EMSY: variants seen among roughly 807,000 people sequenced by gnomAD.
EMSY encodes the protein BRCA2-interacting transcriptional repressor EMSY.
EMSY carries 26 observed loss-of-function variants against 134.6 expected under a neutral mutation model. That is an observed-to-expected ratio of 0.19 (90% CI 0.14 to 0.27). EMSY has a LOEUF of 0.27. Ranked by LOEUF, EMSY falls within the 10% of genes least tolerant of loss-of-function variation. EMSY has a pLI of 1.00. For synonymous variants in EMSY, 579 were observed against 577.8 expected (o/e 1.00, Z -0.03); for missense variants, 1,305 against 1,611.4 (o/e 0.81, Z 3.26).
At position 76,464,097 on chromosome 11, in the gene EMSY, G is replaced by A. The variant is rs1356148730; in HGVS notation, c.831+17G>A. The A allele has an allele frequency of 3.7e-6, 6 of 1,613,350 alleles. No homozygotes were observed. The Admixed American group carries it at 1.0e-4, about 27-fold the overall frequency. ...ACACAGAAGGTATGTGGTGGAGGGAGTCTCTGCCTGCCAATTGTTTCTTTC... is the reference window on the plus strand; with the variant it reads ...ACACAGAAGGTATGTGGTGGAGGGAATCTCTGCCTGCCAATTGTTTCTTTC... On this transcript the variant is annotated intron_variant, in intron 7 of 20. Coordinates refer to ENST00000334736, the Ensembl canonical transcript of EMSY.
intron 10 of EMSY, among the ~76,000 whole-genome samples, chr11:76,514,719 A>C (rs1288964731): frequency 6.6e-6 from 1 of 152,172 alleles, no homozygotes; most frequent in East Asian, 1.9e-4. Flanking sequence ...CCGAAACTGA[A>C]ACTCTGTGTT....
chr11:76,548,531 C>T (rs532546898), intron 20 of EMSY, among the ~76,000 whole-genome samples: 11 of 152,114 alleles, frequency 7.2e-5, no homozygotes, highest in African/African-American at 1.7e-4. Context: ...AGAACTGCAA[C>T]GATCTTCACA....
chr11:76,475,291 T>A (rs1388026493), intron 8 of EMSY, among the ~76,000 whole-genome samples: 5 of 152,206 alleles, frequency 3.3e-5, no homozygotes, highest in African/African-American at 1.2e-4. Flanking sequence ...ATTAGAAAGA[T>A]TACTGTTTTT....
intron 7 of EMSY, among the ~76,000 whole-genome samples, chr11:76,470,285 G>A (rs1003596061): frequency 6.6e-6 from 1 of 152,090 alleles, no homozygotes; most frequent in Admixed American, 6.6e-5. Flanking sequence ...CATTTAAAGA[G>A]GAAGGAGATA....
Position 76,510,977 on chromosome 11 carries a change from AT to A in EMSY, c.1364-2406del, listed in dbSNP as rs1162731584. ...TTGAGTAGATGTTTTTTCATTTATT[AT>A]TTGCCCTTGGCACGATTTCTGGACC... On this transcript the variant is annotated intron_variant, in intron 9 of 20. Transcript: ENST00000334736. 2.0e-5 allele frequency among the ~76,000 whole-genome samples: 3 copies of A among 151,972 alleles called. No individual in the cohort carries two copies. The East Asian group carries it at 5.8e-4, about 29-fold the overall frequency.
rs557140463 is a variant in EMSY at position 76,502,453 on chromosome 11, T to TA, written c.1363+5996dup. Among the ~76,000 whole-genome samples, 134 of 126,328 alleles carry TA rather than the reference T, an allele frequency of 1.1e-3. 1 individual carries two copies. In the South Asian group the frequency reaches 0.011, roughly 10 times the overall value. The allele number at this position is 126,328 out of a possible 152,430, so 82.9% of individuals were successfully genotyped here. A position where few individuals can be genotyped will look rare whatever the true frequency, so the allele number is the denominator to read the frequency against. On this transcript the variant is annotated intron_variant, in intron 9 of 20. Coordinates refer to ENST00000334736, the Ensembl canonical transcript of EMSY. ...CAGATGACATGATCCTTTATATTAT[T>TA]AAAAAAAAAAAAGCATCCAGATTGA... is the stretch of plus-strand genomic sequence containing the variant.
intron 8 of EMSY, among the ~76,000 whole-genome samples, chr11:76,487,881 C>A (rs1181864640): frequency 6.6e-6 from 1 of 152,206 alleles, no homozygotes; most frequent in Non-Finnish European, 1.5e-5. Context: ...GATACTCAAA[C>A]TTTATATCAT....
intron 12 of EMSY, among the ~76,000 whole-genome samples, 188 bp from the exon 14 acceptor site, chr11:76,526,274 G>A (rs1335870089): frequency 6.6e-6 from 1 of 152,060 alleles, no homozygotes; most frequent in Admixed American, 6.6e-5. Flanking sequence ...TAGAAAGTTG[G>A]TCAGATGACT....
Position 76,528,744 on chromosome 11 carries a change from A to G in EMSY, c.2194+278A>G, listed in dbSNP as rs76964732. Among the ~76,000 whole-genome samples the G allele has an allele frequency of 5.2e-4, 79 of 152,278 alleles. No homozygotes were observed. In the East Asian group the frequency reaches 0.012, roughly 24 times the overall value. On this transcript the variant is annotated intron_variant, in intron 14 of 20. Transcript: ENST00000334736. The stretch of plus-strand genomic sequence containing the variant: ...AGGTAATATTAAACTGGATAGAGTT[A>G]TGATTCCCAGATGGTAATTTTCATA...
intron 18 of EMSY, among the ~76,000 whole-genome samples, chr11:76,543,935 A>G (rs1216675999): frequency 6.6e-6 from 1 of 152,120 alleles, no homozygotes; most frequent in African/African-American, 2.4e-5. Flanking sequence ...AATAGGCCAG[A>G]CGGCTGTTTC....
At chr11:76,552,694 C>T (rs989785239), downstream of EMSY, 3 of 152,130 alleles carry the variant, frequency 2.0e-5, no homozygotes, top group Admixed American at 6.6e-5. Context: ...TTAAAGTATA[C>T]CGTTTAATGG....
intron 8 of EMSY, among the ~76,000 whole-genome samples, chr11:76,483,010 G>A (rs1471076660): frequency 6.6e-6 from 1 of 152,100 alleles, no homozygotes; most frequent in African/African-American, 2.4e-5. Context: ...GAGAAAGGTA[G>A]GGTTACCCAC....
chr11:76,514,599 A>G (rs1029228677), intron 10 of EMSY, among the ~76,000 whole-genome samples: 1 of 152,210 alleles, frequency 6.6e-6, no homozygotes, highest in Non-Finnish European at 1.5e-5. Context: ...GCAGTAAAAT[A>G]TATATAACAT....
At chr11:76,541,906 A>G in intron 17 of EMSY, 3 of 571,658 alleles carry the variant, frequency 5.2e-6, no homozygotes, top group South Asian at 2.3e-5. Flanking sequence ...GGAGGATGCA[A>G]CTTTAAGGGG....
intron 4 of EMSY, among the ~76,000 whole-genome samples, chr11:76,457,625 C>T (rs957208228): frequency 2.6e-5 from 4 of 152,110 alleles, no homozygotes; most frequent in African/African-American, 9.7e-5. Context: ...GTGACACATA[C>T]GGTTATATAT....
rs113146251 is a variant in EMSY at position 76,524,739 on chromosome 11, C to T, written c.1821+1448C>T. 5.5e-3 allele frequency among the ~76,000 whole-genome samples: 839 copies of T among 152,282 alleles called. 3 individuals carry two copies. The highest frequency in any genetic ancestry group is 0.017 in the African/African-American group (716 of 41,548). On this transcript the variant is annotated intron_variant, in intron 12 of 20. Coordinates refer to ENST00000334736, the Ensembl canonical transcript of EMSY. Reference sequence around the variant, plus strand: ...GCAAATCAACGTATAAGACCGTTTTCTGGGCTGGGTGTGGAGGCTTATGCC... The same window carrying T: ...GCAAATCAACGTATAAGACCGTTTTTTGGGCTGGGTGTGGAGGCTTATGCC...
chr11:76,465,669 A>G (rs1439311116), intron 7 of EMSY, among the ~76,000 whole-genome samples: 9 of 148,566 alleles, frequency 6.1e-5, no homozygotes, highest in African/African-American at 1.5e-4. Context: ...GAGATTCATG[A>G]CAATTTTTTA....
At chr11:76,456,641 T>C (rs1947884854) in intron 4 of EMSY, among the ~76,000 whole-genome samples, 2 of 152,164 alleles carry the variant, frequency 1.3e-5, no homozygotes, top group Admixed American at 1.3e-4. Context: ...AACTTGGGGA[T>C]TATATAATAA....
chr11:76,525,991 G>T (rs1950833415), intron 12 of EMSY, among the ~76,000 whole-genome samples: 2 of 151,970 alleles, frequency 1.3e-5, no homozygotes. Context: ...TATTTTATGT[G>T]TGTGCATTTA....
Sources: allele counts gnomAD v4.1 joint callset (sites outside exome capture counted in the v4.1 genomes callset), GRCh38; gene constraint gnomAD v4.1.1; transcripts MANE v1.5; gene names NCBI Gene and HGNC (gene_info 2026-07-23, HGNC 2026-07-21).